Variants in FGFR1OP2 observed in about 807,000 individuals in gnomAD.
FGFR1OP2 encodes FGFR1 oncogene partner 2.
FGFR1OP2 carries 17 observed loss-of-function variants against 35.2 expected under a neutral mutation model. That is an observed-to-expected ratio of 0.48 (90% confidence interval 0.33 to 0.73). FGFR1OP2 has a LOEUF of 0.73. Among genes scored for constraint, FGFR1OP2 ranks in the 30% least tolerant of loss-of-function variants. The probability of loss-of-function intolerance (pLI) is 0.02; values close to 1 mark genes in which losing one functional copy is unlikely to be tolerated. For synonymous variants in FGFR1OP2, 105 were observed against 104.6 expected, an observed-to-expected ratio of 1.00 and a Z score of -0.03; for missense variants, 251 against 307.3, an observed-to-expected ratio of 0.82 and a Z score of 1.37.
At chr12:26,940,968 G>C (rs1938724876) in intron 1 of FGFR1OP2, among the ~76,000 whole-genome samples, 1 of 152,082 alleles carries the variant, frequency 6.6e-6, no homozygotes, top group African/African-American at 2.4e-5. Flanking sequence ...GGCAGTTGCT[G>C]TCTTGGGTGG....
chr12:26,964,818 TATTTTTTTCTCTGTAAATATGTAC>T lies in FGFR1OP2; in HGVS notation c.*87_*110del. The T allele has an allele frequency of 6.8e-7, 1 of 1,473,838 alleles. No individual in the cohort carries two copies. The highest frequency in any genetic ancestry group is 9.2e-7 in the Non-Finnish European group (1 of 1,083,986). 91.3% of individuals were successfully genotyped at this position (1,473,838 alleles called of 1,614,324 possible). On this transcript the variant is annotated 3_prime_UTR_variant, in exon 7 of 7. Coordinates refer to ENST00000229395, the MANE Select transcript of FGFR1OP2 (RefSeq NM_015633.3). ...TGAATGGACAGAAAATTCAATCCTT[TATTTTTTTCTCTGTAAATATGTAC>T]AGTGCACGGGCTATGAGATAGCAAC...
chr12:26,951,598 G>A (rs1938929860), intron 1 of FGFR1OP2, among the ~76,000 whole-genome samples: 1 of 152,158 alleles, frequency 6.6e-6, no homozygotes, highest in Non-Finnish European at 1.5e-5. Flanking sequence ...GGGATTACAG[G>A]TGTGAGCCAC....
chr12:26,966,365 G>A lies in FGFR1OP2; in HGVS notation c.*1632G>A, dbSNP rs1038387253. 9 of 152,060 alleles carry A rather than the reference G, an allele frequency of 5.9e-5. No individual in the cohort carries two copies. The highest frequency in any genetic ancestry group is 1.9e-4 in the African/African-American group (8 of 41,408). 9.4% of individuals were successfully genotyped at this position (152,060 alleles called of 1,614,324 possible). ...AATCTATTTCAAGCTACACCATTGA[G>A]ATTAAGTCTGAGGCAGTTCATTGAG... On this transcript the variant is annotated 3_prime_UTR_variant, in exon 7 of 7. Coordinates refer to ENST00000229395, the MANE Select transcript of FGFR1OP2 (RefSeq NM_015633.3).
chr12:26,950,209 C>CTTTTTTT (rs1938897603), intron 1 of FGFR1OP2, among the ~76,000 whole-genome samples: 2 of 40,462 alleles, frequency 4.9e-5, no homozygotes, highest in Admixed American at 2.7e-4. Flanking sequence ...TTAATGTATT[C>CTTTTTTT]GTTGTTTTTT....
intron 1 of FGFR1OP2, among the ~76,000 whole-genome samples, chr12:26,945,541 G>C (rs1938806376): frequency 1.3e-5 from 2 of 152,238 alleles, no homozygotes; most frequent in South Asian, 4.1e-4. Flanking sequence ...ACTTACTTTA[G>C]TTTAATTTCA....
At chr12:26,945,678 T>C (rs1938808554) in intron 1 of FGFR1OP2, among the ~76,000 whole-genome samples, 1 of 152,146 alleles carries the variant, frequency 6.6e-6, no homozygotes, top group African/African-American at 2.4e-5. Context: ...CTGGCCAACG[T>C]GGTGAAACCG....
Position 26,938,878 on chromosome 12 carries a change from C to T in FGFR1OP2, c.-15+168C>T, listed in dbSNP as rs1565844119. 2.0e-5 allele frequency among the ~76,000 whole-genome samples: 3 copies of T among 152,092 alleles called. No individual in the cohort carries two copies. In the South Asian group the frequency reaches 6.2e-4, roughly 31 times the overall value. On this transcript the variant is annotated intron_variant, in intron 1 of 6. Transcript: ENST00000229395. ...CCTGCTCCTGGGAGCCGGACTTCCT[C>T]TCCGCGCCCCCCGACTCCGAGCTCC...
intron 1 of FGFR1OP2, among the ~76,000 whole-genome samples, chr12:26,951,673 C>T (rs1312821118): frequency 1.3e-5 from 2 of 152,078 alleles, no homozygotes; most frequent in Non-Finnish European, 2.9e-5. Context: ...TGTTAATACT[C>T]CCAGGACACA....
chr12:26,950,627 A>G (rs1282251684), intron 1 of FGFR1OP2, among the ~76,000 whole-genome samples: 1 of 152,186 alleles, frequency 6.6e-6, no homozygotes, highest in Non-Finnish European at 1.5e-5. Flanking sequence ...TCATGTATAT[A>G]TTTACTTTCA....
At chr12:26,940,419 T>C (rs1443321877) in intron 1 of FGFR1OP2, among the ~76,000 whole-genome samples, 1 of 152,204 alleles carries the variant, frequency 6.6e-6, no homozygotes, top group African/African-American at 2.4e-5. Flanking sequence ...ACAGTGAAAA[T>C]TTTCTTTGCT....
rs746337595 is a variant in FGFR1OP2 at position 26,949,039 on chromosome 12, T to C, written c.-14-5106T>C. ...AAACTTAAAAAAATAATAATAAATA[T>C]TTCTAAACCATGGAGAGAGGCAACT... On this transcript the variant is annotated intron_variant, in intron 1 of 6. Transcript: ENST00000229395. Among the ~76,000 whole-genome samples, 3 of 152,174 alleles carry C rather than the reference T, an allele frequency of 2.0e-5. No individual in the cohort carries two copies. The East Asian group carries it at 5.8e-4, about 29-fold the overall frequency.
At chr12:26,957,775 GAA>G (rs1197378861) in intron 4 of FGFR1OP2, 32 bp downstream of exon 4, 1 of 1,541,718 alleles carries the variant, frequency 6.5e-7, no homozygotes, top group Non-Finnish European at 8.7e-7. Context: ...ACCTGAAATG[GAA>G]AAGAGAGACG....
At chr12:26,964,479 TACAG>T in intron 6 of FGFR1OP2, 113 bp from the exon 7 acceptor site, 1 of 1,109,952 alleles carries the variant, frequency 9.0e-7, no homozygotes, top group Non-Finnish European at 1.3e-6. Context: ...TAATGCCAAT[TACAG>T]ACCTTGCTTG....
At chr12:26,941,175 G>GTTAAGGTAGGCAC (rs1938728413) in intron 1 of FGFR1OP2, among the ~76,000 whole-genome samples, 5 of 152,050 alleles carry the variant, frequency 3.3e-5, no homozygotes, top group Admixed American at 2.6e-4. Context: ...GTAAGTAAGT[G>GTTAAGGTAGGCAC]TATTATGGCC....
chr12:26,963,028 ATAGTG>A lies in FGFR1OP2; in HGVS notation c.511-311_511-307del, dbSNP rs1459932004. On this transcript the variant is annotated intron_variant, in intron 5 of 6. Coordinates refer to ENST00000229395, the MANE Select transcript of FGFR1OP2 (RefSeq NM_015633.3). ...TTTATCATTCCCGTTACTTTGAACAATAGTGTATGTAAGTGCAAAAAAAAAGAAAA... is the reference window on the plus strand; with the variant it reads ...TTTATCATTCCCGTTACTTTGAACAATATGTAAGTGCAAAAAAAAAGAAAA... 1.3e-4 allele frequency: 23 copies of A among 183,172 alleles called. No individual in the cohort carries two copies. In the South Asian group the frequency reaches 2.8e-3, roughly 22 times the overall value. The allele number at this position is 183,172 out of a possible 1,614,324, so 11.3% of individuals were successfully genotyped here.
intron 5 of FGFR1OP2, chr12:26,962,796 G>A (rs1007948709): frequency 1.3e-5 from 2 of 152,178 alleles, no homozygotes; most frequent in African/African-American, 4.8e-5. Context: ...AAGCAGAATT[G>A]TGCTCATTTT....
chr12:26,962,424 C>T (rs1939117002), intron 5 of FGFR1OP2: 1 of 152,132 alleles, frequency 6.6e-6, no homozygotes, highest in Admixed American at 6.5e-5. Flanking sequence ...GAGTTATTCA[C>T]TTTTATATTT....
intron 1 of FGFR1OP2, among the ~76,000 whole-genome samples, chr12:26,948,313 A>C (rs559330569): frequency 1.3e-5 from 2 of 152,308 alleles, no homozygotes; most frequent in Admixed American, 1.3e-4. Context: ...TTCTAACTGA[A>C]GAGTATTCTT....
At chr12:26,941,047 CTT>C (rs1238916848) in intron 1 of FGFR1OP2, among the ~76,000 whole-genome samples, 1 of 149,742 alleles carries the variant, frequency 6.7e-6, no homozygotes, top group Non-Finnish European at 1.5e-5. Context: ...CTGCAAAAGT[CTT>C]TGGGTGGTAA....
Sources: allele counts gnomAD v4.1 joint callset (sites outside exome capture counted in the v4.1 genomes callset), GRCh38; gene constraint gnomAD v4.1.1; transcripts MANE v1.5; gene names NCBI Gene and HGNC (gene_info 2026-07-23, HGNC 2026-07-21).